SPIDR: variants seen among roughly 807,000 people sequenced by gnomAD.
SPIDR encodes the protein scaffold protein involved in DNA repair.
In SPIDR, 93 loss-of-function variants were observed where a neutral mutation model predicts 104.6. The observed-to-expected ratio is 0.89, with a 90% CI of 0.75 to 1.06. SPIDR has a LOEUF of 1.06. SPIDR is among the 50% of genes least tolerant of loss of function. The pLI is 0.00. For missense variants in SPIDR, 1,154 were observed against 1,111.2 expected (o/e 1.04, Z -0.55); for synonymous variants, 431 against 416.9 (o/e 1.03, Z -0.41).
At chr8:47,593,060 AT>A (rs1196691704) in intron 8 of SPIDR, among the ~76,000 whole-genome samples, 1 of 151,486 alleles carries the variant, frequency 6.6e-6, no homozygotes, top group Non-Finnish European at 1.5e-5. Context: ...CTAATTATGT[AT>A]TTTTTAGTAG....
intron 8 of SPIDR, among the ~76,000 whole-genome samples, chr8:47,559,353 G>T (rs2056777175): frequency 6.6e-6 from 1 of 152,170 alleles, no homozygotes; most frequent in Non-Finnish European, 1.5e-5. Context: ...GCTGTACCCT[G>T]CCTGGCTGTT....
intron 5 of SPIDR, among the ~76,000 whole-genome samples, chr8:47,307,648 C>T (rs1203293311): frequency 6.8e-6 from 1 of 146,320 alleles, no homozygotes; most frequent in Non-Finnish European, 1.5e-5. Flanking sequence ...AAGCGATTCT[C>T]ATGCCTCAGC....
At chr8:47,566,341 C>G (rs993888086) in intron 8 of SPIDR, among the ~76,000 whole-genome samples, 1 of 151,962 alleles carries the variant, frequency 6.6e-6, no homozygotes, top group African/African-American at 2.4e-5. Context: ...TTTTTCCCTC[C>G]TAACCTTAAA....
intron 8 of SPIDR, among the ~76,000 whole-genome samples, chr8:47,548,783 ATTATAC>A (rs2089942888): frequency 6.6e-6 from 1 of 152,190 alleles, no homozygotes; most frequent in Non-Finnish European, 1.5e-5. Flanking sequence ...ATTTATTTTT[ATTATAC>A]TTTAAGTTCT....
chr8:47,695,935 ACTC>A (rs2079269230), intron 11 of SPIDR, among the ~76,000 whole-genome samples: 1 of 151,724 alleles, frequency 6.6e-6, no homozygotes, highest in African/African-American at 2.4e-5. Context: ...TATTTCTGAG[ACTC>A]CTCTTGGGCG....
At chr8:47,462,795 C>T (rs2074155281) in intron 8 of SPIDR, among the ~76,000 whole-genome samples, 1 of 152,054 alleles carries the variant, frequency 6.6e-6, no homozygotes, top group African/African-American at 2.4e-5. Flanking sequence ...CACATCTTTG[C>T]AGAAGTCAGC....
At chr8:47,469,410 G>A (rs188153013) in intron 8 of SPIDR, among the ~76,000 whole-genome samples, 111 of 152,092 alleles carry the variant, frequency 7.3e-4, no homozygotes, top group Non-Finnish European at 1.1e-3. Flanking sequence ...CCATAAAGAC[G>A]CAGGCAAGCA....
chr8:47,466,706 C>CAAAAAA (rs78296344), intron 8 of SPIDR, among the ~76,000 whole-genome samples: 4 of 135,000 alleles, frequency 3.0e-5, no homozygotes, highest in African/African-American at 1.1e-4. Context: ...ACGAAAAATA[C>CAAAAAA]AAAAAAAAAA....
chr8:47,336,081 G>A (rs1327317778), intron 5 of SPIDR, among the ~76,000 whole-genome samples: 1 of 151,922 alleles, frequency 6.6e-6, no homozygotes, highest in African/African-American at 2.4e-5. Flanking sequence ...TTCCCATTAA[G>A]TGTACATTTT....
chr8:47,712,624 G>T lies in SPIDR; in HGVS notation c.1978-38G>T, dbSNP rs1405860057. ...TTAAATGCTTTTAAAACATTTTTTG[G>T]TATAATAATTAATCTTTATTGTGTC... is the stretch of plus-strand genomic sequence containing the variant. On this transcript the variant is annotated intron_variant, in intron 14 of 19. Transcript: ENST00000297423. 6.4e-6 allele frequency: 10 copies of T among 1,574,782 alleles called. No homozygotes were observed. In the East Asian group the frequency reaches 2.0e-4, roughly 32 times the overall value.
chr8:47,314,963 A>G (rs1201778428), intron 5 of SPIDR, among the ~76,000 whole-genome samples: 5 of 152,178 alleles, frequency 3.3e-5, no homozygotes, highest in Non-Finnish European at 5.9e-5. Context: ...GTAGCATGCA[A>G]ACAGTAAGTA....
intron 5 of SPIDR, among the ~76,000 whole-genome samples, chr8:47,366,814 A>AT (rs556379265): frequency 1.1e-4 from 17 of 152,088 alleles, no homozygotes; most frequent in Admixed American, 2.0e-4. Flanking sequence ...GTTACCTATG[A>AT]TTTTTTTTGG....
chr8:47,449,330 G>A (rs925971207), intron 8 of SPIDR, among the ~76,000 whole-genome samples: 5 of 152,166 alleles, frequency 3.3e-5, no homozygotes, highest in Admixed American at 3.3e-4. Context: ...GGTGTCAGCA[G>A]TAATTAGAGC....
At chr8:47,432,904 G>T (rs1399158486) in intron 7 of SPIDR, among the ~76,000 whole-genome samples, 1 of 152,094 alleles carries the variant, frequency 6.6e-6, no homozygotes, top group Non-Finnish European at 1.5e-5. Flanking sequence ...AGAGTAGGTT[G>T]GAAGAATCAG....
chr8:47,518,186 G>A (rs1279813801), intron 8 of SPIDR, among the ~76,000 whole-genome samples: 2 of 152,208 alleles, frequency 1.3e-5, no homozygotes, highest in South Asian at 4.1e-4. Context: ...CAGCAGCCAG[G>A]CACTTTGTTA....
At chr8:47,658,104 T>C (rs1424074085) in intron 10 of SPIDR, among the ~76,000 whole-genome samples, 1 of 147,264 alleles carries the variant, frequency 6.8e-6, no homozygotes, top group African/African-American at 2.5e-5. Flanking sequence ...ACGTGTTCCA[T>C]GGGTAAATGT....
intron 3 of SPIDR, among the ~76,000 whole-genome samples, chr8:47,287,311 C>A (rs1273980199): frequency 2.7e-5 from 4 of 149,628 alleles, no homozygotes; most frequent in Admixed American, 6.6e-5. Flanking sequence ...AGGGCGAAAT[C>A]AAAAACTCCT....
At chr8:47,286,497 C>A (rs983210496) in intron 3 of SPIDR, among the ~76,000 whole-genome samples, 4 of 152,282 alleles carry the variant, frequency 2.6e-5, no homozygotes, top group Admixed American at 2.0e-4. Context: ...TCACTTGAGC[C>A]CAGGAGTTTG....
intron 19 of SPIDR, among the ~76,000 whole-genome samples, chr8:47,729,960 C>G (rs1049088901): frequency 1.3e-5 from 2 of 152,078 alleles, no homozygotes; most frequent in Non-Finnish European, 2.9e-5. Flanking sequence ...CTCAGGTGAT[C>G]CTCCAACCTT....
Sources: allele counts gnomAD v4.1 joint callset (sites outside exome capture counted in the v4.1 genomes callset), GRCh38; gene constraint gnomAD v4.1.1; transcripts MANE v1.5; gene names NCBI Gene and HGNC (gene_info 2026-07-23, HGNC 2026-07-21).